Variants in PPM1L observed in about 807,000 individuals in gnomAD.
PPM1L encodes the protein protein phosphatase, Mg2+/Mn2+ dependent 1L.
A neutral mutation model predicts 31.4 loss-of-function variants in PPM1L; 13 were observed. The ratio of observed to expected loss-of-function variants is 0.41; its 90% CI spans 0.27 to 0.66. The LOEUF is 0.66. Among genes scored for constraint, PPM1L ranks in the 30% least tolerant of loss-of-function variants. The pLI, the probability that PPM1L is intolerant of heterozygous loss-of-function variation, is 0.29. For synonymous variants in PPM1L, 184 were observed against 175.4 expected (o/e 1.05, Z -0.39); for missense variants, 326 against 453.7 (o/e 0.72, Z 2.56).
chr3:160,912,463 C>G (rs1437454349), intron 1 of PPM1L, among the ~76,000 whole-genome samples: 1 of 152,176 alleles, frequency 6.6e-6, no homozygotes, highest in Non-Finnish European at 1.5e-5. Flanking sequence ...ACTCTTCATA[C>G]AACCATGGAC....
intron 2 of PPM1L, among the ~76,000 whole-genome samples, chr3:161,059,833 C>T (rs1340511038): frequency 6.6e-6 from 1 of 151,890 alleles, no homozygotes; most frequent in Non-Finnish European, 1.5e-5. Context: ...TGTATTGCAC[C>T]TCCCCCCACC....
chr3:161,057,056 C>G (rs1024821062), intron 2 of PPM1L, among the ~76,000 whole-genome samples: 1 of 148,946 alleles, frequency 6.7e-6, no homozygotes, highest in Admixed American at 6.7e-5. Context: ...AGAGTGAACT[C>G]CATCTCAAAA....
intron 2 of PPM1L, among the ~76,000 whole-genome samples, chr3:160,983,660 GATCAGTGC>G (rs1469288048): frequency 6.6e-6 from 1 of 152,128 alleles, no homozygotes; most frequent in Non-Finnish European, 1.5e-5. Flanking sequence ...GTGGGTTGGC[GATCAGTGC>G]ATCATTGCTG....
At chr3:161,062,289 A>T (rs1719596561) in intron 2 of PPM1L, among the ~76,000 whole-genome samples, 1 of 152,072 alleles carries the variant, frequency 6.6e-6, no homozygotes, top group Non-Finnish European at 1.5e-5. Context: ...TCTATGAGTG[A>T]TCCATTCTGG....
Position 160,906,707 on chromosome 3 carries a change from C to T in PPM1L, c.400-55029C>T, listed in dbSNP as rs575475144. ...GTTACAGTCAGGATGGTGGCTATGG[C>T]TGAATGCTCATCTGAAGGTTTGATG... On this transcript the variant is annotated intron_variant, in intron 1 of 3. Coordinates refer to ENST00000498165, the MANE Select transcript of PPM1L (RefSeq NM_139245.4). 7.2e-4 allele frequency among the ~76,000 whole-genome samples: 109 copies of T among 152,306 alleles called. 4 individuals carry two copies. In the South Asian group the frequency reaches 0.016, roughly 23 times the overall value.
chr3:160,997,062 A>C (rs2108048627), intron 2 of PPM1L, among the ~76,000 whole-genome samples: 1 of 152,280 alleles, frequency 6.6e-6, no homozygotes, highest in Non-Finnish European at 1.5e-5. Context: ...GGGCTGAAGA[A>C]TTATTGGAGT....
At chr3:161,063,176 T>C (rs1719625309) in intron 2 of PPM1L, among the ~76,000 whole-genome samples, 2 of 152,118 alleles carry the variant, frequency 1.3e-5, no homozygotes, top group South Asian at 4.1e-4. Context: ...GGGGACAAAG[T>C]GAGGATATGT....
intron 1 of PPM1L, among the ~76,000 whole-genome samples, chr3:160,777,382 A>G (rs143481716): frequency 1.2e-4 from 19 of 152,328 alleles, no homozygotes; most frequent in African/African-American, 3.8e-4. Flanking sequence ...AAAATCATGT[A>G]ACAAAATTTA....
chr3:160,939,593 G>A (rs966535648), intron 1 of PPM1L: 2 of 153,332 alleles, frequency 1.3e-5, no homozygotes, highest in African/African-American at 4.8e-5. Flanking sequence ...AGTCACATGA[G>A]ATCTGATGGG....
At chr3:160,976,239 G>A (rs1182132086) in intron 2 of PPM1L, among the ~76,000 whole-genome samples, 1 of 145,468 alleles carries the variant, frequency 6.9e-6, no homozygotes, top group African/African-American at 2.6e-5. Context: ...TGATCATGGT[G>A]GATAAGCTTT....
intron 1 of PPM1L, chr3:160,842,093 G>A: frequency 1.8e-6 from 1 of 562,292 alleles, no homozygotes. Context: ...CAGATGAGTG[G>A]GTTGGAATAT....
chr3:160,874,884 C>A (rs1040618793), intron 1 of PPM1L, among the ~76,000 whole-genome samples: 2 of 152,132 alleles, frequency 1.3e-5, no homozygotes, highest in African/African-American at 2.4e-5. Flanking sequence ...TTCTAGCCCT[C>A]AGCTGTTTGA....
intron 2 of PPM1L, among the ~76,000 whole-genome samples, chr3:161,037,077 T>A (rs951081725): frequency 6.6e-5 from 10 of 152,258 alleles, no homozygotes; most frequent in African/African-American, 2.4e-4. Flanking sequence ...TTTAAAGGTA[T>A]GTCCACAAGT....
intron 1 of PPM1L, among the ~76,000 whole-genome samples, chr3:160,907,106 T>C (rs182538587): frequency 1.9e-3 from 291 of 152,256 alleles, no homozygotes; most frequent in Middle Eastern, 0.014. Flanking sequence ...TGCTTACCAT[T>C]ATATGTGTTT....
chr3:160,971,362 G>A (rs1156668369), intron 2 of PPM1L, among the ~76,000 whole-genome samples: 1 of 152,124 alleles, frequency 6.6e-6, no homozygotes, highest in Non-Finnish European at 1.5e-5. Flanking sequence ...GAGCATCTTT[G>A]AGCCAGACAC....
In PPM1L at chr3:161,077,213, A is replaced by T. The variant is rs1403844984; in HGVS notation, c.*8056A>T. On this transcript the variant is annotated 3_prime_UTR_variant, in exon 4 of 4. Transcript: ENST00000498165. ...ATTAGAATAATTATTTCTCACATATAAGAGTAAGTGATATGAGATTGGGAA... is the reference window on the plus strand; with the variant it reads ...ATTAGAATAATTATTTCTCACATATTAGAGTAAGTGATATGAGATTGGGAA... 6.6e-6 allele frequency: 1 copy of T among 152,222 alleles called. No homozygotes were observed. Among genetic ancestry groups the T allele is most frequent in the Non-Finnish European group, 1.5e-5 (1 of 68,038 alleles). The allele number at this position is 152,222 out of a possible 1,614,324, so 9.4% of individuals were successfully genotyped here. A position where few individuals can be genotyped will look rare whatever the true frequency, so the allele number is the denominator to read the frequency against.
At chr3:160,871,528 C>T (rs1232702907) in intron 1 of PPM1L, among the ~76,000 whole-genome samples, 1 of 152,070 alleles carries the variant, frequency 6.6e-6, no homozygotes, top group Admixed American at 6.6e-5. Flanking sequence ...TTTGTTAAAC[C>T]AAGAACCTCA....
chr3:160,900,384 T>C (rs1341796690), intron 1 of PPM1L, among the ~76,000 whole-genome samples: 5 of 152,118 alleles, frequency 3.3e-5, no homozygotes, highest in African/African-American at 1.2e-4. Context: ...ACTTTATTGA[T>C]TTTTTAAAAA....
chr3:160,992,665 C>T (rs1171535885), intron 2 of PPM1L, among the ~76,000 whole-genome samples: 5 of 152,160 alleles, frequency 3.3e-5, no homozygotes, highest in Admixed American at 3.3e-4. Flanking sequence ...CAACTTTATC[C>T]TTGGAGCCAT....
Sources: allele counts gnomAD v4.1 joint callset (sites outside exome capture counted in the v4.1 genomes callset), GRCh38; gene constraint gnomAD v4.1.1; transcripts MANE v1.5; gene names NCBI Gene and HGNC (gene_info 2026-07-23, HGNC 2026-07-21).